The following SEC23A variants were observed in gnomAD, a reference collection of about 807,000 sequenced individuals.
SEC23A encodes the protein protein transport protein Sec23A.
A neutral mutation model predicts 103.7 loss-of-function variants in SEC23A; 56 were observed. The observed-to-expected ratio is 0.54, with a 90% CI of 0.44 to 0.67. The LOEUF is 0.67. Ranked by LOEUF, SEC23A falls within the 30% of genes least tolerant of loss-of-function variation. SEC23A has a pLI of 0.00. For synonymous variants in SEC23A, 281 were observed against 293.0 expected (o/e 0.96, Z 0.42); for missense variants, 784 against 936.4 (o/e 0.84, Z 2.12).
intron 9 of SEC23A, among the ~76,000 whole-genome samples, chr14:39,068,691 T>C (rs748099680): frequency 5.9e-5 from 9 of 152,194 alleles, no homozygotes; most frequent in Non-Finnish European, 1.2e-4. Flanking sequence ...ATATTGTTTA[T>C]ATGATACACA....
At chr14:39,089,172 A>T (rs974178698) in intron 5 of SEC23A, among the ~76,000 whole-genome samples, 3 of 151,320 alleles carry the variant, frequency 2.0e-5, no homozygotes, top group African/African-American at 7.3e-5. Flanking sequence ...TGTCAAAAAA[A>T]AAAAAAAAAA....
At chr14:39,089,103 G>A (rs1292815535) in intron 5 of SEC23A, among the ~76,000 whole-genome samples, 1 of 149,530 alleles carries the variant, frequency 6.7e-6, no homozygotes, top group African/African-American at 2.5e-5. Flanking sequence ...GAACTAAGGA[G>A]GCGGAGATTG....
intron 19 of SEC23A, among the ~76,000 whole-genome samples, chr14:39,036,320 C>CAAAAAAAAAA (rs59018206): frequency 1.4e-5 from 1 of 69,914 alleles, no homozygotes; most frequent in African/African-American, 5.3e-5. Flanking sequence ...GACTCCGTCT[C>CAAAAAAAAAA]AAAAAAAAAA....
chr14:39,048,853 A>G, intron 14 of SEC23A, 124 bp from the exon 15 acceptor site: 1 of 640,598 alleles, frequency 1.6e-6, no homozygotes, highest in Non-Finnish European at 2.7e-6. Flanking sequence ...TAAAGAATAA[A>G]ATTATAATAT....
chr14:39,077,940 ATAAAG>A (rs1887095866), intron 7 of SEC23A, among the ~76,000 whole-genome samples: 2 of 152,206 alleles, frequency 1.3e-5, no homozygotes, highest in African/African-American at 4.8e-5. Flanking sequence ...CTAAAATAAA[ATAAAG>A]TAAAATTAAA....
intron 1 of SEC23A, among the ~76,000 whole-genome samples, chr14:39,101,152 T>C (rs1185954988): frequency 6.6e-6 from 1 of 152,106 alleles, no homozygotes; most frequent in African/African-American, 2.4e-5. Context: ...CCACTAGTCT[T>C]TATTTTTTTT....
rs1263878581 is a variant in SEC23A, at chr14:39,096,042, G to A, written c.77C>T (p.Ser26Leu). Reference protein sequence around the residue: ...GVRFSWNVWPSSRLEATRMVV... With the variant: ...GVRFSWNVWPLSRLEATRMVV... ...CATTCTTGTAGCTTCCAGTCGACTT[G>A]ATGGCCAAACATTCCAACTAAATCG... The change falls in exon 2 of 20, where the codon TCA becomes TTA. Residue 26 changes from serine to leucine, a missense_variant. Physicochemically the swap from Ser to Leu is moderately radical, Grantham distance 145. Coordinates refer to ENST00000307712, the MANE Select transcript of SEC23A (RefSeq NM_006364.4). 2 of 1,614,088 alleles carry A rather than the reference G, an allele frequency of 1.2e-6. No homozygotes were observed. The highest frequency in any genetic ancestry group is 1.1e-5 in the South Asian group (1 of 91,086).
At chr14:39,069,721 A>G (rs1457273308) in intron 9 of SEC23A, among the ~76,000 whole-genome samples, 1 of 152,036 alleles carries the variant, frequency 6.6e-6, no homozygotes, top group African/African-American at 2.4e-5. Flanking sequence ...CAGCCTCCCA[A>G]AGTGCTAGGA....
At chr14:39,058,286 ATTT>A (rs376125773) in intron 13 of SEC23A, among the ~76,000 whole-genome samples, 1 of 144,402 alleles carries the variant, frequency 6.9e-6, no homozygotes, top group African/African-American at 2.5e-5. Flanking sequence ...TTCTTTCTGT[ATTT>A]TTTTTTTTTT....
intron 1 of SEC23A, among the ~76,000 whole-genome samples, chr14:39,102,147 G>A (rs569278182): frequency 2.0e-5 from 3 of 151,868 alleles, no homozygotes; most frequent in Non-Finnish European, 2.9e-5. Context: ...CAGGAGAATC[G>A]CTTGAACCAG....
chr14:39,101,444 C>T (rs1328749141), intron 1 of SEC23A, among the ~76,000 whole-genome samples: 1 of 151,556 alleles, frequency 6.6e-6, no homozygotes, highest in African/African-American at 2.4e-5. Flanking sequence ...ATGGTTAAAC[C>T]CCGTCTCTAC....
chr14:39,092,560 C>T lies in SEC23A; in HGVS notation c.347G>A (p.Ser116Asn). Residue 116 changes from serine (S) to asparagine (N), a missense_variant, in exon 4 of 20, where the codon AGC becomes AAC. Physicochemically the swap from Ser to Asn is conservative, Grantham distance 46. This residue lies in a region of SEC23A where 683 missense variants were observed against 774.2 expected (regional missense o/e 0.88). Coordinates refer to ENST00000307712, the MANE Select transcript of SEC23A (RefSeq NM_006364.4). Reference sequence around the variant, plus strand: ...TCTTACCAGAACTACATATTCAATGCTAGAAAACTGAGGTAAAAGTTCAGC... The same window carrying T: ...TCTTACCAGAACTACATATTCAATGTTAGAAAACTGAGGTAAAAGTTCAGC... ...QPAELLPQFSSIEYVVLRGPQ... is the reference protein window; with the variant it reads ...QPAELLPQFSNIEYVVLRGPQ... The T allele has an allele frequency of 6.2e-7, 1 of 1,606,740 alleles. No individual in the cohort carries two copies.
chr14:39,051,333 T>C (rs1886052298), intron 14 of SEC23A, among the ~76,000 whole-genome samples: 1 of 152,232 alleles, frequency 6.6e-6, no homozygotes, highest in Admixed American at 6.5e-5. Flanking sequence ...TCAGTCATTA[T>C]CATAAAATGG....
At chr14:39,065,279 C>A (rs374748573) in intron 10 of SEC23A, among the ~76,000 whole-genome samples, 15 of 152,250 alleles carry the variant, frequency 9.9e-5, no homozygotes, top group African/African-American at 3.6e-4. Flanking sequence ...CCAAAATTCA[C>A]ATATCCTAAT....
chr14:39,052,078 C>A (rs1594445147), intron 14 of SEC23A, among the ~76,000 whole-genome samples: 2 of 152,172 alleles, frequency 1.3e-5, no homozygotes, highest in South Asian at 4.2e-4. Context: ...ACACCACATG[C>A]TCTCACTTAC....
At chr14:39,081,940 G>A (rs1887242167) in intron 7 of SEC23A, among the ~76,000 whole-genome samples, 1 of 152,082 alleles carries the variant, frequency 6.6e-6, no homozygotes, top group South Asian at 2.1e-4. Flanking sequence ...TGCACATGAA[G>A]CATTATCTTC....
Position 39,092,526 on chromosome 14 carries a change from T to C in SEC23A, c.366+15A>G. On this transcript the variant is annotated intron_variant, in intron 4 of 19. Coordinates refer to ENST00000307712, the MANE Select transcript of SEC23A (RefSeq NM_006364.4). ...ATTTTAAAACTTTCTTAAATATTTG[T>C]TCTTAGGTTCTTACCAGAACTACAT... The C allele has an allele frequency of 1.4e-6, 2 of 1,469,840 alleles. No homozygotes were observed. The highest frequency in any genetic ancestry group is 9.5e-7 in the Non-Finnish European group (1 of 1,055,658). The allele number at this position is 1,469,840 out of a possible 1,614,324, so 91.0% of individuals were successfully genotyped here. A position where few individuals can be genotyped will look rare whatever the true frequency, so the allele number is the denominator to read the frequency against.
intron 1 of SEC23A, among the ~76,000 whole-genome samples, chr14:39,101,755 G>T (rs1206740680): frequency 6.6e-6 from 1 of 151,798 alleles, no homozygotes; most frequent in Non-Finnish European, 1.5e-5. Flanking sequence ...ACATGTATTT[G>T]TTAGTTGCCA....
At chr14:39,055,468 C>T (rs892045668) in intron 13 of SEC23A, among the ~76,000 whole-genome samples, 172 bp from the exon 14 acceptor site, 7 of 149,714 alleles carry the variant, frequency 4.7e-5, no homozygotes, top group Non-Finnish European at 1.0e-4. Context: ...AGTGCAATGG[C>T]GCGATCTCAG....
Sources: allele counts gnomAD v4.1 joint callset (sites outside exome capture counted in the v4.1 genomes callset), GRCh38; gene constraint gnomAD v4.1.1; regional missense constraint gnomAD v4.1.1; transcripts MANE v1.5; gene names NCBI Gene and HGNC (gene_info 2026-07-23, HGNC 2026-07-21).